The following NPSR1 variants were observed in gnomAD, a reference collection of about 807,000 sequenced individuals.
The protein encoded by NPSR1 is neuropeptide S receptor 1.
NPSR1 carries 48 observed loss-of-function variants against 46.9 expected under a neutral mutation model. The observed-to-expected ratio is 1.02, with a 90% CI of 0.81 to 1.30. The LOEUF (loss-of-function observed/expected upper bound fraction) is 1.30, where lower values mean the gene tolerates loss of function less well. NPSR1 is among the 50% of genes most tolerant of loss of function. The probability of loss-of-function intolerance (pLI) is 0.00; values close to 1 mark genes in which losing one functional copy is unlikely to be tolerated. For missense variants in NPSR1, 450 were observed against 449.5 expected, an observed-to-expected ratio of 1.00 and a Z score of -0.01; for synonymous variants, 176 against 168.1, an observed-to-expected ratio of 1.05 and a Z score of -0.36.
At chr7:34,712,383 CA>C (rs908511119) in intron 2 of NPSR1, among the ~76,000 whole-genome samples, 9 of 152,100 alleles carry the variant, frequency 5.9e-5, no homozygotes, top group Non-Finnish European at 1.3e-4. Flanking sequence ...ACACTGTAGC[CA>C]AAGTTATTTT....
chr7:34,685,747 A>C, intron 2 of NPSR1: 1 of 404,362 alleles, frequency 2.5e-6, no homozygotes, highest in Non-Finnish European at 4.8e-6. Context: ...TCTTTCTAAC[A>C]AAGTATAACA....
chr7:34,702,978 A>G (rs1421131684), intron 2 of NPSR1, among the ~76,000 whole-genome samples: 2 of 152,342 alleles, frequency 1.3e-5, no homozygotes, highest in East Asian at 1.9e-4. Context: ...TGCAGTAGCT[A>G]CAGAATCATA....
chr7:34,712,438 G>A (rs1194480719), intron 2 of NPSR1, among the ~76,000 whole-genome samples: 1 of 152,136 alleles, frequency 6.6e-6, no homozygotes, highest in Non-Finnish European at 1.5e-5. Flanking sequence ...TGGGTAATGA[G>A]CCTAATAATA....
At chr7:34,822,532 G>T (rs1217966044) in intron 4 of NPSR1, among the ~76,000 whole-genome samples, 1 of 152,082 alleles carries the variant, frequency 6.6e-6, no homozygotes, top group African/African-American at 2.4e-5. Context: ...AGAATAATTA[G>T]AAAAATATCA....
intron 2 of NPSR1, among the ~76,000 whole-genome samples, chr7:34,772,974 T>C (rs1038372306): frequency 2.0e-5 from 3 of 152,118 alleles, no homozygotes; most frequent in Non-Finnish European, 4.4e-5. Flanking sequence ...TAGCTTTTAG[T>C]TCAATGGTAC....
At chr7:34,827,638 T>TGGGGGGG in intron 5 of NPSR1, 36 bp downstream of exon 5, 15 of 179,988 alleles carry the variant, frequency 8.3e-5, no homozygotes, top group South Asian at 2.2e-4. Flanking sequence ...CACGGGGGGG[T>TGGGGGGG]GGGGCGGGGG....
At chr7:34,768,282 G>C (rs1216858954) in intron 2 of NPSR1, 1 of 152,062 alleles carries the variant, frequency 6.6e-6, no homozygotes, top group Non-Finnish European at 1.5e-5. Context: ...AAAAATACCT[G>C]TTTAAAATGA....
At chr7:34,662,982 T>C (rs1236366057) in intron 1 of NPSR1, among the ~76,000 whole-genome samples, 1 of 151,882 alleles carries the variant, frequency 6.6e-6, no homozygotes, top group Non-Finnish European at 1.5e-5. Context: ...GGAAGAGTTT[T>C]CACATTTTCT....
intron 2 of NPSR1, among the ~76,000 whole-genome samples, chr7:34,693,333 T>A (rs1793358663): frequency 6.6e-6 from 1 of 151,418 alleles, no homozygotes. Flanking sequence ...ACTATAGAAA[T>A]AAAAAAAAAT....
At chr7:34,708,539 A>G (rs1794222139) in intron 2 of NPSR1, among the ~76,000 whole-genome samples, 1 of 152,172 alleles carries the variant, frequency 6.6e-6, no homozygotes, top group African/African-American at 2.4e-5. Context: ...GTCCAGTGCA[A>G]ATGCTATGAG....
intron 3 of NPSR1, among the ~76,000 whole-genome samples, chr7:34,798,360 C>T (rs1439666357): frequency 1.3e-5 from 2 of 152,112 alleles, no homozygotes; most frequent in Non-Finnish European, 2.9e-5. Flanking sequence ...CATGGTGAAA[C>T]CCCGTGTCTA....
chr7:34,776,505 A>G (rs1162579902), intron 2 of NPSR1, among the ~76,000 whole-genome samples: 1 of 152,168 alleles, frequency 6.6e-6, no homozygotes, highest in East Asian at 1.9e-4. Flanking sequence ...TTTGCCTGAT[A>G]TAAGCATAAC....
At chr7:34,869,078 C>T (rs1791389982) in intron 8 of NPSR1, among the ~76,000 whole-genome samples, 1 of 151,724 alleles carries the variant, frequency 6.6e-6, no homozygotes, top group South Asian at 2.1e-4. Context: ...CTCTATTTCA[C>T]ATTTAAGTTC....
Position 34,686,948 on chromosome 7 carries a change from G to A in NPSR1, c.280+2264G>A, listed in dbSNP as rs1184353380. On this transcript the variant is annotated intron_variant, in intron 2 of 8. Coordinates refer to ENST00000360581, the MANE Select transcript of NPSR1 (RefSeq NM_207172.2). ...TGCACTCCAGCCTGGGCGACAGAGT[G>A]AGACTCCGTCTCAAAAAAAAAAAAA... Among the ~76,000 whole-genome samples the A allele has an allele frequency of 3.2e-5, 4 of 126,916 alleles. No individual in the cohort carries two copies. In the East Asian group the frequency reaches 6.5e-4, roughly 21 times the overall value. The allele number at this position is 126,916 out of a possible 152,430, so 83.3% of individuals were successfully genotyped here.
chr7:34,677,294 CAG>C (rs1792368003), intron 1 of NPSR1, among the ~76,000 whole-genome samples: 1 of 152,150 alleles, frequency 6.6e-6, no homozygotes, highest in Admixed American at 6.5e-5. Context: ...ACTTTGCTGC[CAG>C]AGTCATCAAT....
intron 2 of NPSR1, among the ~76,000 whole-genome samples, chr7:34,770,196 T>G (rs1320030443): frequency 1.3e-5 from 2 of 152,206 alleles, no homozygotes; most frequent in Non-Finnish European, 2.9e-5. Flanking sequence ...AAGGAATCAG[T>G]AAGCCAAAAG....
At chr7:34,860,179 G>A (rs1791155857) in intron 8 of NPSR1, among the ~76,000 whole-genome samples, 1 of 151,646 alleles carries the variant, frequency 6.6e-6, no homozygotes, top group African/African-American at 2.4e-5. Flanking sequence ...ATGTGTTGAT[G>A]TGATGTCTTG....
intron 2 of NPSR1, among the ~76,000 whole-genome samples, chr7:34,775,721 AATTTC>A (rs1354333196): frequency 6.6e-6 from 1 of 151,856 alleles, no homozygotes; most frequent in East Asian, 1.9e-4. Flanking sequence ...TCTTCATCTC[AATTTC>A]ATTTATTTCT....
chr7:34,699,966 G>A (rs1407197133), intron 2 of NPSR1, among the ~76,000 whole-genome samples: 1 of 152,122 alleles, frequency 6.6e-6, no homozygotes, highest in Non-Finnish European at 1.5e-5. Context: ...CTTTGTTCAG[G>A]CCACCATCAC....
Sources: gnomAD v4.1 joint callset for allele counts (sites outside exome capture counted in the v4.1 genomes callset) on GRCh38, gnomAD v4.1.1 for gene constraint, MANE v1.5 for transcripts, NCBI Gene and HGNC (gene_info 2026-07-23, HGNC 2026-07-21) for gene names.